Variants in NTRK3 observed in about 807,000 individuals in gnomAD.
NTRK3 encodes the protein NT-3 growth factor receptor.
NTRK3 carries 24 observed loss-of-function variants against 91.7 expected under a neutral mutation model. The ratio of observed to expected loss-of-function variants is 0.26; its 90% CI spans 0.19 to 0.37. The LOEUF is 0.37. Among genes scored for constraint, NTRK3 ranks in the 10% least tolerant of loss-of-function variants. The pLI, the probability that NTRK3 is intolerant of heterozygous loss-of-function variation, is 1.00. For missense variants in NTRK3, 880 were observed against 1,068.9 expected (o/e 0.82, Z 2.46); for synonymous variants, 483 against 404.0 (o/e 1.20, Z -2.34).
At chr15:87,937,516 G>C (rs920034044) in intron 15 of NTRK3, among the ~76,000 whole-genome samples, 6 of 152,100 alleles carry the variant, frequency 3.9e-5, no homozygotes, top group African/African-American at 1.4e-4. Flanking sequence ...ATTGAAACTA[G>C]AAATTGTGAC....
At chr15:87,891,128 G>T (rs915364716) in intron 17 of NTRK3, among the ~76,000 whole-genome samples, 1 of 151,978 alleles carries the variant, frequency 6.6e-6, no homozygotes, top group Admixed American at 6.6e-5. Context: ...ATTAGAGAGA[G>T]TTTCAAAATA....
intron 5 of NTRK3, among the ~76,000 whole-genome samples, chr15:88,173,037 G>T (rs1806587725): frequency 6.6e-6 from 1 of 152,174 alleles, no homozygotes. Flanking sequence ...GAAGCTTGGT[G>T]AATTCTGCGG....
At chr15:88,191,661 C>T (rs977025174) in intron 3 of NTRK3, among the ~76,000 whole-genome samples, 19 of 152,224 alleles carry the variant, frequency 1.2e-4, no homozygotes, top group African/African-American at 4.6e-4. Context: ...ACTCCGAAGC[C>T]TTGTAGGGCA....
intron 13 of NTRK3, among the ~76,000 whole-genome samples, chr15:88,059,322 C>G (rs975931298): frequency 1.3e-5 from 2 of 152,134 alleles, no homozygotes; most frequent in African/African-American, 2.4e-5. Flanking sequence ...TGCTGGGAGA[C>G]AAGAGTCCAG....
intron 5 of NTRK3, among the ~76,000 whole-genome samples, chr15:88,158,827 G>A (rs565700082): frequency 3.3e-5 from 5 of 152,204 alleles, no homozygotes; most frequent in South Asian, 2.1e-4. Flanking sequence ...CCAGAGAGGC[G>A]CCAGCACATG....
exon 19 of NTRK3, chr15:87,872,743 A>T (rs765838467): frequency 3.4e-5 from 8 of 232,584 alleles, no homozygotes; most frequent in Non-Finnish European, 6.8e-5. Flanking sequence ...TCTATAATCA[A>T]TCCTTTGCCA....
chr15:88,116,268 T>C (rs537986413), intron 13 of NTRK3, among the ~76,000 whole-genome samples: 37 of 152,170 alleles, frequency 2.4e-4, no homozygotes, highest in Non-Finnish European at 1.5e-5. Flanking sequence ...CCAAAGAGGA[T>C]AGAACTGAAA....
At chr15:88,144,346 G>C (rs749837750) in intron 6 of NTRK3, among the ~76,000 whole-genome samples, 19 of 152,208 alleles carry the variant, frequency 1.2e-4, no homozygotes, top group Non-Finnish European at 2.5e-4. Context: ...GAAGCTGTGA[G>C]TCAGGGGCTT....
At chr15:87,919,387 C>T (rs1189841520) in intron 17 of NTRK3, among the ~76,000 whole-genome samples, 1 of 152,134 alleles carries the variant, frequency 6.6e-6, no homozygotes. Flanking sequence ...TGTTAGAGCC[C>T]GGTTCTTTGC....
intron 13 of NTRK3, among the ~76,000 whole-genome samples, chr15:88,063,884 C>T (rs915509556): frequency 6.6e-6 from 1 of 152,212 alleles, no homozygotes; most frequent in African/African-American, 2.4e-5. Flanking sequence ...TTGCTTCTGT[C>T]TTGGTCACTG....
intron 3 of NTRK3, among the ~76,000 whole-genome samples, chr15:88,221,441 T>C (rs929108834): frequency 6.6e-6 from 1 of 152,172 alleles, no homozygotes; most frequent in African/African-American, 2.4e-5. Context: ...AAATAGCTAG[T>C]GAATACCAAG....
At chr15:88,217,958 C>T (rs1428395774) in intron 3 of NTRK3, among the ~76,000 whole-genome samples, 1 of 152,036 alleles carries the variant, frequency 6.6e-6, no homozygotes, top group Non-Finnish European at 1.5e-5. Flanking sequence ...GACGGGGTTT[C>T]ACCGTTTTAG....
chr15:88,107,412 C>CA (rs1332596558), intron 13 of NTRK3, among the ~76,000 whole-genome samples: 1 of 152,216 alleles, frequency 6.6e-6, no homozygotes. Context: ...TACTGCACTC[C>CA]AGCCTGGGTG....
At chr15:88,105,485 C>T (rs1567415635) in intron 13 of NTRK3, among the ~76,000 whole-genome samples, 1 of 152,208 alleles carries the variant, frequency 6.6e-6, no homozygotes. Flanking sequence ...TAAGGCCACA[C>T]AGCCATGCAG....
intron 13 of NTRK3, chr15:88,099,036 G>A (rs185604122): frequency 1.3e-5 from 3 of 231,290 alleles, no homozygotes; most frequent in South Asian, 1.8e-4. Context: ...GGTGATGAAC[G>A]ACAAGATGTA....
intron 14 of NTRK3, among the ~76,000 whole-genome samples, chr15:88,026,945 C>T (rs1340316599): frequency 6.6e-6 from 1 of 152,152 alleles, no homozygotes; most frequent in Non-Finnish European, 1.5e-5. Flanking sequence ...CCCAGGTTGG[C>T]CCAGCCTCAT....
intron 14 of NTRK3, among the ~76,000 whole-genome samples, chr15:87,946,764 C>T (rs1340121498): frequency 6.6e-6 from 1 of 152,084 alleles, no homozygotes; most frequent in South Asian, 2.1e-4. Flanking sequence ...GTTGTTATCC[C>T]TCTGTGCCCT....
At chr15:88,061,327 C>T (rs549858078) in intron 13 of NTRK3, among the ~76,000 whole-genome samples, 11 of 152,270 alleles carry the variant, frequency 7.2e-5, no homozygotes, top group Non-Finnish European at 1.5e-4. Context: ...AATGGAGCTC[C>T]GAGGAGGGAG....
intron 14 of NTRK3, among the ~76,000 whole-genome samples, chr15:87,963,411 C>T (rs1047802535): frequency 6.6e-6 from 1 of 152,210 alleles, no homozygotes; most frequent in Non-Finnish European, 1.5e-5. Context: ...CCATGACCCT[C>T]TGTTTATTAA....
Sources: allele counts gnomAD v4.1 joint callset (sites outside exome capture counted in the v4.1 genomes callset), GRCh38; gene constraint gnomAD v4.1.1; transcripts MANE v1.5; gene names NCBI Gene and HGNC (gene_info 2026-07-23, HGNC 2026-07-21).